Variants in UACA observed in about 807,000 individuals in gnomAD.
UACA encodes the protein uveal autoantigen with coiled-coil domains and ankyrin repeats, also known as nuclear membrane binding protein.
UACA carries 112 observed loss-of-function variants against 160.5 expected under a neutral mutation model. The observed-to-expected ratio is 0.70, with a 90% confidence interval of 0.60 to 0.82. The LOEUF is 0.82. Among genes scored for constraint, UACA ranks in the 40% least tolerant of loss-of-function variants. The pLI, the probability that UACA is intolerant of heterozygous loss-of-function variation, is 0.00. For missense variants in UACA, 1,574 were observed against 1,614.6 expected (o/e 0.97, Z 0.43); for synonymous variants, 557 against 568.4 (o/e 0.98, Z 0.29).
chr15:70,748,555 G>T (rs911188335), intron 1 of UACA, among the ~76,000 whole-genome samples: 1 of 152,150 alleles, frequency 6.6e-6, no homozygotes, highest in African/African-American at 2.4e-5. Flanking sequence ...AATTTATAGA[G>T]TGCAGGTCCT....
At chr15:70,769,713 A>G in the UACA span, among the ~76,000 whole-genome samples, 3 of 152,044 alleles carry the variant, frequency 2.0e-5, no homozygotes, top group Non-Finnish European at 2.9e-5. Flanking sequence ...TAAAATGTGT[A>G]TTTTAGGCCA....
intron 9 of UACA, 112 bp downstream of exon 9, chr15:70,682,646 G>C (rs1897551452): frequency 1.9e-6 from 1 of 533,726 alleles, no homozygotes; most frequent in Non-Finnish European, 3.0e-6. Flanking sequence ...ACTGAGAAGA[G>C]AGATAGAACG....
the UACA span, among the ~76,000 whole-genome samples, chr15:70,775,354 G>C: frequency 6.6e-6 from 1 of 152,170 alleles, no homozygotes; most frequent in African/African-American, 2.4e-5. Flanking sequence ...TTGTGAGTCA[G>C]TTCCAGCACT....
chr15:70,728,957 G>C (rs1361835889), intron 1 of UACA, among the ~76,000 whole-genome samples: 2 of 152,148 alleles, frequency 1.3e-5, no homozygotes, highest in Admixed American at 1.3e-4. Context: ...ACACTAATCA[G>C]AGAAATGCAA....
chr15:70,692,681 G>A (rs1042396305), intron 3 of UACA, among the ~76,000 whole-genome samples: 2 of 152,140 alleles, frequency 1.3e-5, no homozygotes, highest in East Asian at 3.9e-4. Flanking sequence ...GAGGGTAGAG[G>A]ATCACTTAAG....
intron 8 of UACA, among the ~76,000 whole-genome samples, chr15:70,683,067 T>C (rs1343272231): frequency 6.6e-6 from 1 of 151,962 alleles, no homozygotes; most frequent in Admixed American, 6.6e-5. Flanking sequence ...AATGGGAAAT[T>C]TATTTAGGCT....
intron 12 of UACA, among the ~76,000 whole-genome samples, chr15:70,676,837 TTTTC>T (rs1897317629): frequency 6.6e-6 from 1 of 152,180 alleles, no homozygotes; most frequent in South Asian, 2.1e-4. Flanking sequence ...TTTTCAGACA[TTTTC>T]TTTATGTTTA....
chr15:70,710,440 T>G (rs1898650163), intron 1 of UACA, among the ~76,000 whole-genome samples: 1 of 152,158 alleles, frequency 6.6e-6, no homozygotes, highest in Non-Finnish European at 1.5e-5. Context: ...AGAGCAATTC[T>G]CCAGCACACA....
At chr15:70,771,445 A>T in the UACA span, among the ~76,000 whole-genome samples, 1 of 152,256 alleles carries the variant, frequency 6.6e-6, no homozygotes, top group Non-Finnish European at 1.5e-5. Context: ...CTTTACTTAC[A>T]GAACAGTGAG....
intron 1 of UACA, among the ~76,000 whole-genome samples, chr15:70,722,206 G>C (rs1595910121): frequency 6.6e-6 from 1 of 151,968 alleles, no homozygotes; most frequent in East Asian, 1.9e-4. Flanking sequence ...TACTATAAAT[G>C]TCATTTTTAT....
chr15:70,690,371 A>G, intron 5 of UACA, 83 bp downstream of exon 5: 2 of 1,185,404 alleles, frequency 1.7e-6, no homozygotes, highest in Non-Finnish European at 2.5e-6. Context: ...TTATATAAAT[A>G]TCTATGTGTT....
At chr15:70,665,015 A>C (rs1896854626) in intron 16 of UACA, 1 of 432,982 alleles carries the variant, frequency 2.3e-6, no homozygotes, top group African/African-American at 2.0e-5. Flanking sequence ...GAAATTATTT[A>C]CAAAAGCAAT....
rs1896990655 is a variant in UACA at position 70,667,983 on chromosome 15, T to C, written c.2701A>G (p.Lys901Glu). The C allele has an allele frequency of 1.3e-6, 2 of 1,599,628 alleles. No individual in the cohort carries two copies. Among genetic ancestry groups the C allele is most frequent in the South Asian group, 2.3e-5 (2 of 88,106 alleles). ...EDINQEFVKIKDKNEILKRNL... is the reference protein window; with the variant it reads ...EDINQEFVKIEDKNEILKRNL... ...CTTTTTAATATTTCATTCTTATCTT[T>C]TATTTTTACAAATTCCTGATTTATA... Residue 901 changes from lysine (K) to glutamate (E), a missense_variant, in exon 16 of 19, where the codon AAA becomes GAA. Physicochemically the swap from Lys to Glu is moderately conservative, Grantham distance 56. Coordinates refer to ENST00000322954, the MANE Select transcript of UACA (RefSeq NM_018003.4).
chr15:70,662,505 A>T (rs1006307074), intron 17 of UACA, among the ~76,000 whole-genome samples: 1 of 152,196 alleles, frequency 6.6e-6, no homozygotes, highest in Admixed American at 6.5e-5. Context: ...GAATTGGAAA[A>T]AACTACTTTA....
intron 18 of UACA, among the ~76,000 whole-genome samples, chr15:70,659,338 G>A (rs1451415156): frequency 2.9e-5 from 2 of 69,148 alleles, no homozygotes; most frequent in African/African-American, 5.1e-5. Context: ...TTTTAAAATT[G>A]TTCTTTTTTT....
rs76778058 is a variant in UACA, at chr15:70,754,175, C to T, written c.78+9155G>A. 2.2e-3 allele frequency: 996 copies of T among 455,908 alleles called. 26 individuals are homozygous for T. In the East Asian group the frequency reaches 0.051, roughly 23 times the overall value. 28.2% of individuals were successfully genotyped at this position (455,908 alleles called of 1,614,324 possible). A position where few individuals can be genotyped will look rare whatever the true frequency, so the allele number is the denominator to read the frequency against. ...AGTCATTTATCCTAACTGGTTGAGA[C>T]ATTCACCTGCGCTCTCTCAAGGATA... On this transcript the variant is annotated intron_variant, in intron 1 of 18. Transcript: ENST00000322954.
chr15:70,668,123 A>T lies in UACA; in HGVS notation c.2561T>A (p.Met854Lys), dbSNP rs766011610. 5 of 1,613,592 alleles carry T rather than the reference A, an allele frequency of 3.1e-6. No homozygotes were observed. Among genetic ancestry groups the T allele is most frequent in the Non-Finnish European group, 4.2e-6 (5 of 1,179,948 alleles). The stretch of plus-strand genomic sequence containing the variant: ...AACTGGCACATACTGATTACTCATC[A>T]TCTTCTTCAAGTTAGTGTTTTCAGA... ...LTSENTNLKKMMSNQYVPVKT... is the reference protein window; with the variant it reads ...LTSENTNLKKKMSNQYVPVKT... The change falls in exon 16 of 19, where the codon ATG (methionine) becomes AAG (lysine). Residue 854 changes from methionine (M) to lysine (K), a missense_variant. By Grantham distance (95) the Met-to-Lys change is moderately conservative. Transcript: ENST00000322954.
At chr15:70,682,899 T>C (rs1897563441) in intron 8 of UACA, 104 bp from the exon 9 acceptor site, 1 of 637,760 alleles carries the variant, frequency 1.6e-6, no homozygotes. Flanking sequence ...AAATAAACTT[T>C]AGAGTTTCCT....
At chr15:70,760,799 C>G (rs2030706286) in intron 1 of UACA, among the ~76,000 whole-genome samples, 1 of 148,580 alleles carries the variant, frequency 6.7e-6, no homozygotes, top group Non-Finnish European at 1.5e-5. Flanking sequence ...GAGCGAGACT[C>G]CGTCTCAAAA....
Sources: gnomAD v4.1 joint callset for allele counts (sites outside exome capture counted in the v4.1 genomes callset) on GRCh38, gnomAD v4.1.1 for gene constraint, MANE v1.5 for transcripts, NCBI Gene and HGNC (gene_info 2026-07-23, HGNC 2026-07-21) for gene names.